DPP6: variants seen among roughly 807,000 people sequenced by gnomAD.
DPP6 encodes A-type potassium channel modulatory protein DPP6.
Under a neutral mutation model 122.6 loss-of-function variants are expected in DPP6, and 69 were observed. The ratio of observed to expected loss-of-function variants is 0.56; its 90% CI spans 0.46 to 0.69. The LOEUF is 0.69. DPP6 is among the 30% of genes least tolerant of loss of function. DPP6 has a pLI of 0.00. For missense variants in DPP6, 928 were observed against 1,116.9 expected, an observed-to-expected ratio of 0.83 and a Z score of 2.41; for synonymous variants, 418 against 433.1, an observed-to-expected ratio of 0.97 and a Z score of 0.43.
chr7:154,117,836 G>A (rs1390701448), intron 1 of DPP6, among the ~76,000 whole-genome samples: 1 of 151,934 alleles, frequency 6.6e-6, no homozygotes, highest in Admixed American at 6.6e-5. Context: ...TCTGAGCGAG[G>A]ACTGTAGCAT....
chr7:154,889,467 T>C lies in DPP6; in HGVS notation c.2388T>C (p.His796=), dbSNP rs777511911. 6.3e-7 allele frequency: 1 copy of C among 1,591,212 alleles called. No individual in the cohort carries two copies. Among genetic ancestry groups the C allele is most frequent in the Non-Finnish European group, 8.5e-7 (1 of 1,170,834 alleles). Residue 796 remains histidine, a synonymous_variant, in exon 25 of 26, where the codon CAT becomes CAC. Transcript: ENST00000377770. ...IIHPTADEKI[H]FQHTAELITQ... is the part of the protein sequence containing the mutation. ...TTTTTTTTTGCACAGAAAAAATTCA[T>C]TTCCAGCACACAGCAGAACTCATTA...
intron 1 of DPP6, among the ~76,000 whole-genome samples, chr7:153,952,613 G>A (rs994039485): frequency 4.6e-5 from 7 of 152,252 alleles, no homozygotes; most frequent in African/African-American, 1.2e-4. Context: ...GAGAACCAAT[G>A]TCTTATGAGC....
chr7:154,794,835 T>C (rs997002471), intron 11 of DPP6, among the ~76,000 whole-genome samples: 2 of 150 alleles, frequency 0.013, no homozygotes, highest in East Asian at 0.33. Flanking sequence ...CAGGTCACCT[T>C]GTGGCGGGTT....
At chr7:153,842,232 C>A in the DPP6 span, among the ~76,000 whole-genome samples, 8 of 152,152 alleles carry the variant, frequency 5.3e-5, no homozygotes, top group Non-Finnish European at 1.2e-4. Flanking sequence ...AACAGGTTGG[C>A]ATTGCTTTGA....
At chr7:154,251,276 G>A (rs1210119379) in intron 1 of DPP6, among the ~76,000 whole-genome samples, 2 of 152,166 alleles carry the variant, frequency 1.3e-5, no homozygotes, top group Non-Finnish European at 2.9e-5. Context: ...GCTACAGATG[G>A]TTTGGAAGAT....
intron 1 of DPP6, among the ~76,000 whole-genome samples, chr7:154,249,037 G>T (rs1162283573): frequency 6.6e-6 from 1 of 152,224 alleles, no homozygotes; most frequent in Non-Finnish European, 1.5e-5. Context: ...ATATGGCTAT[G>T]AATAGGGTAG....
In DPP6 at chr7:154,472,033, G is replaced by A. The variant is rs187570951; in HGVS notation, c.359-2906G>A. ...TCAAAAAGGAAAAACTTAAGAAAAA[G>A]CCCGAGGTGTGGGGATTGACCTAGA... On this transcript the variant is annotated intron_variant, in intron 2 of 25. Transcript: ENST00000377770. 3.6e-3 allele frequency among the ~76,000 whole-genome samples: 551 copies of A among 152,242 alleles called. 3 individuals carry two copies. Among genetic ancestry groups the A allele is most frequent in the Middle Eastern group, 0.024 (7 of 294 alleles).
chr7:154,405,926 A>G (rs286837), intron 1 of DPP6, among the ~76,000 whole-genome samples: 4 of 152,282 alleles, frequency 2.6e-5, no homozygotes, highest in East Asian at 1.9e-4. Context: ...AAGGAATCCT[A>G]TGGTGAATAC....
At chr7:154,484,489 C>T (rs1451489952) in intron 3 of DPP6, among the ~76,000 whole-genome samples, 1 of 152,230 alleles carries the variant, frequency 6.6e-6, no homozygotes, top group African/African-American at 2.4e-5. Flanking sequence ...CTCCCGTCTC[C>T]TCCCAGTATC....
At chr7:154,669,224 CA>C in intron 6 of DPP6, 135 bp from the exon 7 acceptor site, 1 of 1,345,338 alleles carries the variant, frequency 7.4e-7, no homozygotes, top group Non-Finnish European at 1.0e-6. Flanking sequence ...CTTAGTAACA[CA>C]AGAGACAAGC....
chr7:154,047,799 G>T (rs1800099053), upstream of DPP6, among the ~76,000 whole-genome samples: 1 of 151,748 alleles, frequency 6.6e-6, no homozygotes, highest in African/African-American at 2.4e-5. Flanking sequence ...CATGCATGAA[G>T]GCAAGACAAC....
At chr7:153,936,420 C>T (rs996793375) in intron 1 of DPP6, among the ~76,000 whole-genome samples, 4 of 152,148 alleles carry the variant, frequency 2.6e-5, no homozygotes, top group African/African-American at 9.7e-5. Flanking sequence ...CTCGTCACCC[C>T]ACGGCCTCCA....
intron 3 of DPP6, among the ~76,000 whole-genome samples, chr7:154,495,660 G>T (rs372405674): frequency 2.0e-5 from 3 of 152,158 alleles, no homozygotes; most frequent in Non-Finnish European, 2.9e-5. Flanking sequence ...AAAGTGCTGG[G>T]ATTACAGGTG....
At chr7:154,081,672 G>A (rs748212310) in intron 1 of DPP6, among the ~76,000 whole-genome samples, 48 of 149,682 alleles carry the variant, frequency 3.2e-4, no homozygotes, top group Non-Finnish European at 7.4e-5. Flanking sequence ...CAAGAGCGTG[G>A]TAATAGCTTG....
intron 16 of DPP6, among the ~76,000 whole-genome samples, chr7:154,832,619 C>T (rs181681692): frequency 6.6e-6 from 1 of 152,174 alleles, no homozygotes; most frequent in African/African-American, 2.4e-5. Flanking sequence ...CAGAGTTCCT[C>T]CCACATCCGC....
intron 7 of DPP6, among the ~76,000 whole-genome samples, chr7:154,717,770 A>G (rs1056085641): frequency 6.6e-6 from 1 of 152,214 alleles, no homozygotes; most frequent in Non-Finnish European, 1.5e-5. Flanking sequence ...GTATACAACC[A>G]TATGATTGCT....
chr7:154,767,381 C>A (rs1012944968), intron 8 of DPP6, among the ~76,000 whole-genome samples: 2 of 152,134 alleles, frequency 1.3e-5, no homozygotes, highest in Non-Finnish European at 2.9e-5. Context: ...TCCAGCAGAC[C>A]ATCTGCTGGA....
chr7:154,856,397 C>T (rs1802831105), intron 17 of DPP6, among the ~76,000 whole-genome samples: 1 of 152,200 alleles, frequency 6.6e-6, no homozygotes, highest in Non-Finnish European at 1.5e-5. Flanking sequence ...TTCCAAGGCT[C>T]ATGTGTGAGT....
At chr7:153,832,186 G>T in the DPP6 span, among the ~76,000 whole-genome samples, 3 of 152,182 alleles carry the variant, frequency 2.0e-5, no homozygotes, top group African/African-American at 7.2e-5. Context: ...ACTTATGGTT[G>T]TAGCAATAAA....
Sources: gnomAD v4.1 joint callset for allele counts (sites outside exome capture counted in the v4.1 genomes callset) on GRCh38, gnomAD v4.1.1 for gene constraint, MANE v1.5 for transcripts, NCBI Gene and HGNC (gene_info 2026-07-23, HGNC 2026-07-21) for gene names.